The following TRIM37 variants were observed in gnomAD, a reference collection of about 807,000 sequenced individuals.
TRIM37 encodes E3 ubiquitin-protein ligase TRIM37.
In TRIM37, 80 loss-of-function variants were observed where a neutral mutation model predicts 129.8. The observed-to-expected ratio is 0.62, with a 90% CI of 0.51 to 0.74. TRIM37 has a LOEUF of 0.74. Among genes scored for constraint, TRIM37 ranks in the 30% least tolerant of loss-of-function variants. The probability of loss-of-function intolerance (pLI) is 0.00; values close to 1 mark genes in which losing one functional copy is unlikely to be tolerated. For missense variants in TRIM37, 1,054 were observed against 1,176.5 expected (o/e 0.90, Z 1.52); for synonymous variants, 389 against 387.1 (o/e 1.00, Z -0.06).
intron 2 of TRIM37, among the ~76,000 whole-genome samples, chr17:59,095,408 T>C (rs975054782): frequency 1.3e-5 from 2 of 152,170 alleles, no homozygotes; most frequent in Admixed American, 1.3e-4. Context: ...GCAGGAGCTA[T>C]GTGAGTAGTG....
At chr17:59,008,387 G>A (rs1456588502) in intron 22 of TRIM37, among the ~76,000 whole-genome samples, 1 of 152,114 alleles carries the variant, frequency 6.6e-6, no homozygotes, top group African/African-American at 2.4e-5. Context: ...AATCCTACAT[G>A]AATAACTCCA....
the TRIM37 span, among the ~76,000 whole-genome samples, chr17:58,974,609 A>G: frequency 2.8e-4 from 42 of 152,176 alleles, no homozygotes; most frequent in Admixed American, 2.0e-4. Flanking sequence ...GAATAAATCA[A>G]TATGTATATC....
At chr17:59,053,186 C>T (rs7224717) in intron 13 of TRIM37, among the ~76,000 whole-genome samples, 3,310 of 152,144 alleles carry the variant, frequency 0.022, 115 homozygotes, top group African/African-American at 0.075. Flanking sequence ...TAATATTTTG[C>T]CATTAAAACA....
intron 17 of TRIM37, among the ~76,000 whole-genome samples, chr17:59,034,574 G>A (rs1178023743): frequency 6.6e-6 from 1 of 151,890 alleles, no homozygotes; most frequent in Non-Finnish European, 1.5e-5. Flanking sequence ...GGTTAGGCTG[G>A]CCTTAGAACT....
At chr17:59,063,746 G>A (rs575498209) in intron 10 of TRIM37, among the ~76,000 whole-genome samples, 1 of 152,312 alleles carries the variant, frequency 6.6e-6, no homozygotes, top group South Asian at 2.1e-4. Flanking sequence ...GATCTCAATG[G>A]ATTTCTTCCC....
chr17:59,106,699 G>A lies in TRIM37; in HGVS notation c.-238C>T, dbSNP rs1410462931. 5 of 591,210 alleles carry A rather than the reference G, an allele frequency of 8.5e-6. No individual in the cohort carries two copies. Among genetic ancestry groups the A allele is most frequent in the Non-Finnish European group, 1.5e-5 (5 of 333,048 alleles). 36.6% of individuals were successfully genotyped at this position (591,210 alleles called of 1,614,324 possible). On this transcript the variant is annotated 5_prime_UTR_variant, in exon 1 of 24. Coordinates refer to ENST00000262294, the MANE Select transcript of TRIM37 (RefSeq NM_015294.6). ...AGGCGCAGAAGTAGGGCGAACGGTGGCCGCAGCTCCTTTCTCCCGGCTCAG... is the reference window on the plus strand; with the variant it reads ...AGGCGCAGAAGTAGGGCGAACGGTGACCGCAGCTCCTTTCTCCCGGCTCAG...
At chr17:59,010,638 G>C (rs2035137075) in intron 22 of TRIM37, among the ~76,000 whole-genome samples, 1 of 151,930 alleles carries the variant, frequency 6.6e-6, no homozygotes, top group African/African-American at 2.4e-5. Flanking sequence ...GATTACAGGT[G>C]TCTGCTACCA....
rs2034278466 is a variant in TRIM37 at position 59,004,952 on chromosome 17, TC to T, written c.2696-3239del. On this transcript the variant is annotated intron_variant, in intron 22 of 23. Coordinates refer to ENST00000262294, the MANE Select transcript of TRIM37 (RefSeq NM_015294.6). ...AAAACAAAAAAACAAACTTTCCTGT[TC>T]TAAAAGAGTGAAGAGTTTACAACAA... Among the ~76,000 whole-genome samples, 8 of 152,322 alleles carry T rather than the reference TC, an allele frequency of 5.3e-5. No homozygotes were observed. In the South Asian group the frequency reaches 1.7e-3, roughly 32 times the overall value.
intron 1 of TRIM37, among the ~76,000 whole-genome samples, chr17:59,104,693 A>C (rs1725435907): frequency 6.6e-6 from 1 of 152,246 alleles, no homozygotes; most frequent in South Asian, 2.1e-4. Flanking sequence ...GGTACAGCCC[A>C]AATGTCCAAA....
chr17:59,073,941 G>A (rs1246105585), intron 8 of TRIM37, among the ~76,000 whole-genome samples: 1 of 152,164 alleles, frequency 6.6e-6, no homozygotes, highest in African/African-American at 2.4e-5. Context: ...TTTTTAAAAA[G>A]TAGGAGTAAA....
chr17:59,061,145 T>C (rs373314688), intron 11 of TRIM37, 37 bp from the exon 12 acceptor site: 188 of 1,560,234 alleles, frequency 1.2e-4, no homozygotes, highest in South Asian at 4.6e-4. Context: ...GTAAAAAAAT[T>C]AAGCCACAAT....
At chr17:59,101,695 TACACACACACACAC>T (rs927750157) in intron 2 of TRIM37, among the ~76,000 whole-genome samples, 1 of 89,670 alleles carries the variant, frequency 1.1e-5, no homozygotes, top group Non-Finnish European at 2.2e-5. Flanking sequence ...TATATATATA[TACACACACACACAC>T]ACACACACAC....
chr17:59,043,622 A>G lies in TRIM37; in HGVS notation c.1668-1724T>C, dbSNP rs573308182. Among the ~76,000 whole-genome samples the G allele has an allele frequency of 1.7e-4, 26 of 152,318 alleles. No individual in the cohort carries two copies. In the South Asian group the frequency reaches 5.4e-3, roughly 32 times the overall value. ...GCTATAGTACAGGCACACACGGCCA[A>G]GAGGTGGAGACTCCCTTCTGCTGAG... On this transcript the variant is annotated intron_variant, in intron 16 of 23. Coordinates refer to ENST00000262294, the MANE Select transcript of TRIM37 (RefSeq NM_015294.6).
At position 59,028,638 on chromosome 17, in the gene TRIM37, G is replaced by A; in HGVS notation, c.2034C>T (p.Leu678=). 1 of 1,614,148 alleles carries A rather than the reference G, an allele frequency of 6.2e-7. No individual in the cohort carries two copies. The highest frequency in any genetic ancestry group is 1.7e-5 in the Admixed American group (1 of 60,018). The change falls in exon 19 of 24, where the codon CTC becomes CTT. Residue 678 remains leucine (L), a synonymous_variant. Coordinates refer to ENST00000262294, the MANE Select transcript of TRIM37 (RefSeq NM_015294.6). ...ATCGAACTTCGGCCATTTGAGTTTT[G>A]AGTCTTTTTAGCATCTTTAAATCAG... ...VPSDLKMLKR[L]KTQMAEVRCM...
intron 24 of TRIM37, chr17:58,985,023 T>C (rs889603925): frequency 6.6e-6 from 1 of 152,666 alleles, no homozygotes; most frequent in African/African-American, 2.4e-5. Flanking sequence ...TCTTACCAAA[T>C]AAATTTATCA....
In TRIM37 at chr17:59,012,377, T is replaced by G. The variant is rs765859033; in HGVS notation, c.2646A>C (p.Gly882=). The change falls in exon 22 of 24, where the codon GGA becomes GGC. Residue 882 remains glycine (G), a synonymous_variant. Coordinates refer to ENST00000262294, the MANE Select transcript of TRIM37 (RefSeq NM_015294.6). ...MTDLENNSET[G]ELQPVLPEGA... ...CTTCAGGTAGTACAGGCTGTAACTC[T>G]CCAGTTTCAGAATTATTTTCCAAAT... 1.9e-6 allele frequency: 3 copies of G among 1,613,144 alleles called. No individual in the cohort carries two copies. The highest frequency in any genetic ancestry group is 2.5e-6 in the Non-Finnish European group (3 of 1,179,884).
At chr17:59,070,153 C>A (rs921551005) in intron 9 of TRIM37, among the ~76,000 whole-genome samples, 1 of 152,168 alleles carries the variant, frequency 6.6e-6, no homozygotes. Flanking sequence ...TAGTCAGAAA[C>A]CACCAGTCTA....
intron 20 of TRIM37, among the ~76,000 whole-genome samples, chr17:59,016,272 T>C (rs1452460994): frequency 1.3e-5 from 2 of 151,210 alleles, no homozygotes; most frequent in East Asian, 3.9e-4. Context: ...CGTGCACTTG[T>C]AGTCCCAGTT....
At chr17:59,031,869 A>G (rs1187565513) in intron 18 of TRIM37, 27 bp downstream of exon 18, 1 of 1,610,436 alleles carries the variant, frequency 6.2e-7, no homozygotes, top group African/African-American at 1.3e-5. Flanking sequence ...ACAGAAAAAA[A>G]GGAAATTATC....
Sources: allele counts gnomAD v4.1 joint callset (sites outside exome capture counted in the v4.1 genomes callset), GRCh38; gene constraint gnomAD v4.1.1; transcripts MANE v1.5; gene names NCBI Gene and HGNC (gene_info 2026-07-23, HGNC 2026-07-21).